FIBCD1: variants seen among roughly 807,000 people sequenced by gnomAD.
The protein encoded by FIBCD1 is fibrinogen C domain containing 1, also known as fibrinogen C domain-containing protein 1.
A neutral mutation model predicts 45.1 loss-of-function variants in FIBCD1; 47 were observed. That is an observed-to-expected ratio of 1.04 (90% confidence interval 0.82 to 1.33). FIBCD1 has a LOEUF of 1.33. Among genes scored for constraint, FIBCD1 ranks in the 40% most tolerant of loss-of-function variants. The probability of loss-of-function intolerance (pLI) is 0.00; values close to 1 mark genes in which losing one functional copy is unlikely to be tolerated. For missense variants in FIBCD1, 653 were observed against 682.2 expected (o/e 0.96, Z 0.48); for synonymous variants, 313 against 308.1 (o/e 1.02, Z -0.17).
rs149395672 is a variant in FIBCD1, at chr9:130,904,184, C to T, written c.1266G>A (p.Gln422=). The T allele has an allele frequency of 1.4e-5, 23 of 1,613,794 alleles. No individual in the cohort carries two copies. In the African/African-American group the frequency reaches 2.9e-4, roughly 21 times the overall value. ...AGGAGGCGTGCGCACCGCGCAGGTACTGCCCATTGAGGTTGGACGTGTGGC... is the reference window on the plus strand; with the variant it reads ...AGGAGGCGTGCGCACCGCGCAGGTATTGCCCATTGAGGTTGGACGTGTGGC... ...RNCHTSNLNG[Q]YLRGAHASYA... The change falls in exon 7 of 7, where the codon CAG becomes CAA. Residue 422 remains glutamine (Q), a synonymous_variant. Coordinates refer to ENST00000372338, the MANE Select transcript of FIBCD1 (RefSeq NM_032843.5).
At chr9:130,928,993 G>C (rs1180624982) in intron 2 of FIBCD1, among the ~76,000 whole-genome samples, 2 of 151,852 alleles carry the variant, frequency 1.3e-5, no homozygotes, top group East Asian at 1.9e-4. Context: ...GCTGGCTGGA[G>C]CCTGGCTTGG....
At chr9:130,904,863 C>T (rs1322226432) in intron 6 of FIBCD1, among the ~76,000 whole-genome samples, 1 of 152,222 alleles carries the variant, frequency 6.6e-6, no homozygotes, top group Non-Finnish European at 1.5e-5. Flanking sequence ...CGAAGGGCAT[C>T]ATCAACACTA....
chr9:130,935,027 T>C (rs1832498496), intron 1 of FIBCD1, among the ~76,000 whole-genome samples: 2 of 152,032 alleles, frequency 1.3e-5, no homozygotes, highest in African/African-American at 2.4e-5. Flanking sequence ...CGTGAGACTC[T>C]AAGCTCCCTG....
intron 4 of FIBCD1, among the ~76,000 whole-genome samples, chr9:130,918,237 A>G (rs1211078574): frequency 2.0e-5 from 3 of 152,224 alleles, no homozygotes; most frequent in East Asian, 1.9e-4. Context: ...GAACCCTGAG[A>G]AGGAGTGAGT....
chr9:130,904,361 A>G (rs936958026), intron 6 of FIBCD1, 38 bp from the exon 7 acceptor site: 2 of 1,565,612 alleles, frequency 1.3e-6, no homozygotes, highest in South Asian at 1.2e-5. Context: ...CACGGGGGGC[A>G]CGGGTACACC....
At chr9:130,925,262 C>A (rs989067503) in intron 2 of FIBCD1, among the ~76,000 whole-genome samples, 3 of 152,152 alleles carry the variant, frequency 2.0e-5, no homozygotes, top group African/African-American at 7.2e-5. Context: ...AAACTGAGGC[C>A]CCGAAAGAGC....
At position 130,912,444 on chromosome 9, in the gene FIBCD1, C is replaced by T. The variant is rs868562932; in HGVS notation, c.850-556G>A. 6.0e-5 allele frequency among the ~76,000 whole-genome samples: 9 copies of T among 149,994 alleles called. No individual in the cohort carries two copies. The East Asian group carries it at 9.9e-4, about 16-fold the overall frequency. Reference sequence around the variant, plus strand: ...GGGGTGGGCCGGGCACGGTGACTCCCGCCTGTAATCCCAGAACTTTGGGAG... The same window carrying T: ...GGGGTGGGCCGGGCACGGTGACTCCTGCCTGTAATCCCAGAACTTTGGGAG... On this transcript the variant is annotated intron_variant, in intron 4 of 6. Coordinates refer to ENST00000372338, the MANE Select transcript of FIBCD1 (RefSeq NM_032843.5).
Position 130,904,200 on chromosome 9 carries a change from G to C in FIBCD1, c.1250C>G (p.Ser417Cys). The change falls in exon 7 of 7, where the codon TCC (serine) becomes TGC (cysteine). Residue 417 changes from serine (S) to cysteine (C), a missense_variant. Transcript: ENST00000372338. ...GAWWYRNCHT[S>C]NLNGQYLRGA... ...GCGCAGGTACTGCCCATTGAGGTTG[G>C]ACGTGTGGCAGTTGCGGTACCACCA... 1 of 1,613,812 alleles carries C rather than the reference G, an allele frequency of 6.2e-7. No individual in the cohort carries two copies. The highest frequency in any genetic ancestry group is 1.3e-5 in the African/African-American group (1 of 75,072).
In FIBCD1 at chr9:130,911,830, C is replaced by G; in HGVS notation, c.908G>C (p.Arg303Pro). 6.2e-7 allele frequency: 1 copy of G among 1,604,700 alleles called. No individual in the cohort carries two copies. The change falls in exon 5 of 7, where the codon CGA (arginine) becomes CCA (proline). Residue 303 changes from arginine to proline, a missense_variant. Coordinates refer to ENST00000372338, the MANE Select transcript of FIBCD1 (RefSeq NM_032843.5). ...CCCGGTGAGCCTGCCAAAGCCGTCT[C>G]GGTACGCATCCCAGCCCCGGAAGAA... The part of the protein sequence containing the change: ...VNFFRGWDAY[R>P]DGFGRLTGEH...
intron 2 of FIBCD1, 145 bp from the exon 3 acceptor site, chr9:130,924,541 G>A (rs1832326722): frequency 3.8e-6 from 3 of 788,050 alleles, no homozygotes; most frequent in Non-Finnish European, 5.9e-6. Context: ...CCTGCCCCTT[G>A]GGTCCCTGTC....
intron 4 of FIBCD1, among the ~76,000 whole-genome samples, chr9:130,919,933 C>G (rs868387377): frequency 6.6e-6 from 1 of 151,892 alleles, no homozygotes; most frequent in African/African-American, 2.4e-5. Flanking sequence ...GCACTGCCCC[C>G]GGCAGATTGC....
At chr9:130,911,723 G>A in intron 5 of FIBCD1, 69 bp downstream of exon 5, 1 of 1,418,030 alleles carries the variant, frequency 7.1e-7, no homozygotes, top group East Asian at 2.5e-5. Flanking sequence ...GGAGCAGCTG[G>A]GACCCAACTG....
chr9:130,911,709 T>G (rs7044609), intron 5 of FIBCD1, 83 bp downstream of exon 5: 109,480 of 1,298,014 alleles, frequency 0.084, 9,013 homozygotes, highest in African/African-American at 0.42. Context: ...CCAAACCCAT[T>G]CAGGGAGCAG....
chr9:130,910,085 G>A (rs924281472), intron 5 of FIBCD1, among the ~76,000 whole-genome samples: 3 of 152,238 alleles, frequency 2.0e-5, no homozygotes, highest in South Asian at 2.1e-4. Flanking sequence ...GGCCAAGGCC[G>A]GAGCCCACTC....
chr9:130,919,865 G>A (rs1832229351), intron 4 of FIBCD1, among the ~76,000 whole-genome samples: 1 of 152,248 alleles, frequency 6.6e-6, no homozygotes, highest in African/African-American at 2.4e-5. Context: ...CCTCACGTGT[G>A]TGACCCCAGC....
At chr9:130,911,069 C>T (rs1223948707) in intron 5 of FIBCD1, among the ~76,000 whole-genome samples, 1 of 152,174 alleles carries the variant, frequency 6.6e-6, no homozygotes, top group Non-Finnish European at 1.5e-5. Context: ...CCCCAGCCAG[C>T]CTCGGCAACC....
Position 130,926,584 on chromosome 9 carries a change from CCAAGT to C in FIBCD1, c.553-2193_553-2189del, listed in dbSNP as rs1832363667. ...CCTGTAATCCCAGCACTTTGGGAGG[CCAAGT>C]TGGGTGGATCACCTAAGGTCAGGAG... On this transcript the variant is annotated intron_variant, in intron 2 of 6. Transcript: ENST00000372338. The surrounding 1 kb of genome is among the most constrained non-coding windows in gnomAD (Gnocchi z 4.1). Among the ~76,000 whole-genome samples the C allele has an allele frequency of 2.0e-5, 3 of 152,166 alleles. No individual in the cohort carries two copies. Among genetic ancestry groups the C allele is most frequent in the Non-Finnish European group, 2.9e-5 (2 of 68,036 alleles).
At chr9:130,913,325 CAG>C (rs905433293) in intron 4 of FIBCD1, among the ~76,000 whole-genome samples, 2 of 151,156 alleles carry the variant, frequency 1.3e-5, no homozygotes, top group Non-Finnish European at 2.9e-5. Flanking sequence ...CCATCTGTGT[CAG>C]AGTCTGATGT....
chr9:130,928,021 C>T (rs1782834254), intron 2 of FIBCD1, among the ~76,000 whole-genome samples: 2 of 152,188 alleles, frequency 1.3e-5, no homozygotes, highest in South Asian at 4.1e-4. Context: ...GTAGGCACAG[C>T]TTTGAGAAAC....
Sources: allele counts gnomAD v4.1 joint callset (sites outside exome capture counted in the v4.1 genomes callset), GRCh38; gene constraint gnomAD v4.1.1; non-coding constraint Gnocchi (gnomAD v3.1); transcripts MANE v1.5; gene names NCBI Gene and HGNC (gene_info 2026-07-23, HGNC 2026-07-21).